ULK4: variants seen among roughly 807,000 people sequenced by gnomAD.
The protein encoded by ULK4 is inactive serine/threonine-protein kinase ULK4.
ULK4 carries 133 observed loss-of-function variants against 160.6 expected under a neutral mutation model. The ratio of observed to expected loss-of-function variants is 0.83; its 90% confidence interval spans 0.72 to 0.96. The LOEUF (loss-of-function observed/expected upper bound fraction) is 0.96, where lower values mean the gene tolerates loss of function less well. ULK4 is among the 40% of genes least tolerant of loss of function. The pLI, the probability that ULK4 is intolerant of heterozygous loss-of-function variation, is 0.00. For synonymous variants in ULK4, 534 were observed against 539.8 expected (o/e 0.99, Z 0.15); for missense variants, 1,580 against 1,499.5 (o/e 1.05, Z -0.89).
intron 32 of ULK4, among the ~76,000 whole-genome samples, chr3:41,487,175 T>C (rs538621584): frequency 5.8e-5 from 5 of 85,790 alleles, no homozygotes; most frequent in Non-Finnish European, 1.1e-4. Flanking sequence ...CCTATGCAAA[T>C]AATAATATAA....
At chr3:41,855,202 T>C (rs749916282) in intron 17 of ULK4, among the ~76,000 whole-genome samples, 12 of 137,714 alleles carry the variant, frequency 8.7e-5, no homozygotes, top group African/African-American at 3.9e-4. Context: ...ATAGGGTACC[T>C]TGACCACGAC....
intron 17 of ULK4, among the ~76,000 whole-genome samples, chr3:41,868,482 G>GGTTTTT (rs201559967): frequency 0.012 from 1,897 of 152,008 alleles, 38 homozygotes; most frequent in African/African-American, 0.041. Context: ...TATATAGCTA[G>GGTTTTT]GTTTTTGTTT....
Position 41,279,273 on chromosome 3 carries a change from A to C in ULK4, c.3679-29699T>G, listed in dbSNP as rs1200605154. ...AAAAGAGTAAAAAAAAAAAAAAAAAAAACAAAACGACAAAGCCTCCAAGAA... is the reference window on the plus strand; with the variant it reads ...AAAAGAGTAAAAAAAAAAAAAAAAACAACAAAACGACAAAGCCTCCAAGAA... On this transcript the variant is annotated intron_variant, in intron 35 of 36. Coordinates refer to ENST00000301831, the MANE Select transcript of ULK4 (RefSeq NM_017886.4). 4.1e-5 allele frequency among the ~76,000 whole-genome samples: 6 copies of C among 147,136 alleles called. No individual in the cohort carries two copies. In the South Asian group the frequency reaches 6.4e-4, roughly 16 times the overall value.
At chr3:41,957,220 G>A (rs753967853) in intron 1 of ULK4, among the ~76,000 whole-genome samples, 13 of 151,782 alleles carry the variant, frequency 8.6e-5, no homozygotes, top group South Asian at 2.1e-4. Context: ...TTGGGAGGCC[G>A]AGGTGGGCTG....
At chr3:41,464,032 A>C (rs1165641899) in intron 32 of ULK4, among the ~76,000 whole-genome samples, 1 of 151,952 alleles carries the variant, frequency 6.6e-6, no homozygotes, top group Non-Finnish European at 1.5e-5. Flanking sequence ...GTGAATTTTC[A>C]AAGATAAATA....
Position 41,950,091 on chromosome 3 carries a change from CT to C in ULK4, c.138+4530del, listed in dbSNP as rs561321352. On this transcript the variant is annotated intron_variant, in intron 2 of 36. Transcript: ENST00000301831. ...CTGGCAAAACTCTATTTTTATTTTT[CT>C]TTTTTTTTTTTTGAGACAAGGTCTC... 4.2e-3 allele frequency among the ~76,000 whole-genome samples: 612 copies of C among 144,144 alleles called. 1 individual carries two copies. Among genetic ancestry groups the C allele is most frequent in the Middle Eastern group, 0.014 (4 of 280 alleles). The allele number at this position is 144,144 out of a possible 152,430, so 94.6% of individuals were successfully genotyped here.
Position 41,898,497 on chromosome 3 carries a change from GGT to G in ULK4, c.1288-7_1288-6del. 6.4e-7 allele frequency: 1 copy of G among 1,568,888 alleles called. No homozygotes were observed. The highest frequency in any genetic ancestry group is 8.7e-7 in the Non-Finnish European group (1 of 1,153,294). On this transcript the variant is annotated splice_polypyrimidine_tract_variant and splice_region_variant and intron_variant, in intron 13 of 36. Transcript: ENST00000301831. ...AACTGGTGGCTGTTTCATTATCTGT[GGT>G]TTAAAAAAAAAGAAAGCTTTTGAGA...
At chr3:41,475,823 T>C (rs1037494887) in intron 32 of ULK4, among the ~76,000 whole-genome samples, 5 of 151,970 alleles carry the variant, frequency 3.3e-5, no homozygotes, top group African/African-American at 4.8e-5. Context: ...GTAGACATAT[T>C]TGCTTCCCTA....
rs1344036611 is a variant in ULK4, at chr3:41,690,184, C to G, written c.2782-8380G>C. Among the ~76,000 whole-genome samples, 58 of 149,002 alleles carry G rather than the reference C, an allele frequency of 3.9e-4. 1 individual carries two copies. The East Asian group carries it at 4.9e-3, about 13-fold the overall frequency. On this transcript the variant is annotated intron_variant, in intron 27 of 36. Coordinates refer to ENST00000301831, the MANE Select transcript of ULK4 (RefSeq NM_017886.4). The stretch of plus-strand genomic sequence containing the variant: ...GAAATCATCATTCTCAGTAAACTAT[C>G]GCAAGAACAAAAAACCAAACACCGC...
intron 18 of ULK4, among the ~76,000 whole-genome samples, chr3:41,830,381 G>T (rs2041536569): frequency 1.3e-5 from 2 of 151,862 alleles, no homozygotes; most frequent in African/African-American, 4.8e-5. Context: ...GATTCTATCT[G>T]CATAAGATTC....
intron 32 of ULK4, among the ~76,000 whole-genome samples, chr3:41,492,184 A>G (rs963961114): frequency 6.6e-6 from 1 of 151,798 alleles, no homozygotes; most frequent in Admixed American, 6.6e-5. Context: ...TACTGCCGCA[A>G]TAAACATACG....
At chr3:41,588,096 C>T (rs1341338572) in intron 31 of ULK4, among the ~76,000 whole-genome samples, 1 of 152,132 alleles carries the variant, frequency 6.6e-6, no homozygotes, top group Non-Finnish European at 1.5e-5. Flanking sequence ...AGCAGACAGG[C>T]TTCAGGATGC....
At chr3:41,354,026 G>C (rs987108285) in intron 35 of ULK4, among the ~76,000 whole-genome samples, 1 of 152,142 alleles carries the variant, frequency 6.6e-6, no homozygotes, top group Non-Finnish European at 1.5e-5. Context: ...GAGGATCCCA[G>C]AGCCCTCTGC....
chr3:41,738,941 C>T (rs2038144788), intron 22 of ULK4, among the ~76,000 whole-genome samples: 1 of 152,004 alleles, frequency 6.6e-6, no homozygotes, highest in South Asian at 2.1e-4. Context: ...TGAACCCCTA[C>T]AGCAAATGGA....
chr3:41,441,789 C>T (rs952781679), intron 34 of ULK4, among the ~76,000 whole-genome samples: 12 of 152,172 alleles, frequency 7.9e-5, no homozygotes, highest in African/African-American at 2.9e-4. Context: ...CAAACGGGCA[C>T]TGAAATCTTT....
intron 2 of ULK4, among the ~76,000 whole-genome samples, chr3:41,947,381 G>A (rs951063425): frequency 5.9e-5 from 9 of 152,176 alleles, no homozygotes; most frequent in Admixed American, 1.3e-4. Flanking sequence ...CTGTCAACGC[G>A]ACAGCTGAGA....
intron 16 of ULK4, among the ~76,000 whole-genome samples, chr3:41,890,753 G>GAGGGAAGGA (rs1287310924): frequency 3.0e-4 from 7 of 23,510 alleles, no homozygotes; most frequent in Non-Finnish European, 4.7e-4. Context: ...GGAGGGACGG[G>GAGGGAAGGA]AGGGACGGGA....
intron 17 of ULK4, among the ~76,000 whole-genome samples, chr3:41,864,805 T>C (rs1223090592): frequency 6.6e-6 from 1 of 152,170 alleles, no homozygotes; most frequent in Non-Finnish European, 1.5e-5. Flanking sequence ...CCCTTCCTTC[T>C]CTGATCTAAG....
At chr3:41,267,187 T>A (rs1289880100) in intron 35 of ULK4, among the ~76,000 whole-genome samples, 1 of 152,022 alleles carries the variant, frequency 6.6e-6, no homozygotes, top group Non-Finnish European at 1.5e-5. Flanking sequence ...CAACAGGCCC[T>A]GGTGTGTGAT....
Sources: gnomAD v4.1 joint callset for allele counts (sites outside exome capture counted in the v4.1 genomes callset) on GRCh38, gnomAD v4.1.1 for gene constraint, MANE v1.5 for transcripts, NCBI Gene and HGNC (gene_info 2026-07-23, HGNC 2026-07-21) for gene names.